SCN10A: variants seen among roughly 807,000 people sequenced by gnomAD.
SCN10A encodes sodium voltage-gated channel alpha subunit 10.
A neutral mutation model predicts 170.7 loss-of-function variants in SCN10A; 162 were observed. That is an observed-to-expected ratio of 0.95 (90% CI 0.84 to 1.08). The LOEUF is 1.08. SCN10A is among the 50% of genes least tolerant of loss of function. The pLI is 0.00. For missense variants in SCN10A, 2,527 were observed against 2,436.9 expected, an observed-to-expected ratio of 1.04 and a Z score of -0.78; for synonymous variants, 985 against 904.6, an observed-to-expected ratio of 1.09 and a Z score of -1.59.
At position 38,722,238 on chromosome 3, in the gene SCN10A, G is replaced by A. The variant is rs2063397601; in HGVS notation, c.3507+20C>T. Reference sequence around the variant, plus strand: ...TTCCTATCTGGAGGATTTGGGGGCAGGGACTATGCCTCCCCTTACCAGAGA... The same window carrying A: ...TTCCTATCTGGAGGATTTGGGGGCAAGGACTATGCCTCCCCTTACCAGAGA... On this transcript the variant is annotated intron_variant, in intron 20 of 27. Coordinates refer to ENST00000449082, the MANE Select transcript of SCN10A (RefSeq NM_006514.4). 1.6e-5 allele frequency: 25 copies of A among 1,608,260 alleles called. No individual in the cohort carries two copies. Among genetic ancestry groups the A allele is most frequent in the Non-Finnish European group, 2.1e-5 (25 of 1,176,858 alleles).
At chr3:38,747,788 C>T (rs12491593) in intron 13 of SCN10A, among the ~76,000 whole-genome samples, 13,923 of 152,186 alleles carry the variant, frequency 0.091, 1,115 homozygotes, top group African/African-American at 0.2. Flanking sequence ...TTTGTGTCTG[C>T]GAACTTTCTC....
Position 38,763,504 on chromosome 3 carries a change from C to T in SCN10A, c.691+1G>A, listed in dbSNP as rs1252084333. ...CATATGCTCTGTGAATAAATGCTCA[C>T]CTGGGATCACAGAAACTGTTTTTAA... is the stretch of plus-strand genomic sequence containing the variant. On this transcript the variant is annotated splice_donor_variant, in intron 6 of 27. Transcript: ENST00000449082. LOFTEE classifies it high-confidence loss of function. The T allele has an allele frequency of 9.3e-6, 15 of 1,611,700 alleles. No homozygotes were observed. The highest frequency in any genetic ancestry group is 1.3e-5 in the Non-Finnish European group (15 of 1,177,896).
chr3:38,727,847 C>T lies in SCN10A; in HGVS notation c.2640+695G>A, dbSNP rs143496663. 2.4e-3 allele frequency among the ~76,000 whole-genome samples: 364 copies of T among 152,190 alleles called. 13 individuals are homozygous for T. The East Asian group carries it at 0.061, about 25-fold the overall frequency. ...GTGGAGACAAGCTGAGGGCAGGGGGCCAGGCTGGGGCGGAGAAGGGGTATT... is the reference window on the plus strand; with the variant it reads ...GTGGAGACAAGCTGAGGGCAGGGGGTCAGGCTGGGGCGGAGAAGGGGTATT... On this transcript the variant is annotated intron_variant, in intron 16 of 27. Coordinates refer to ENST00000449082, the MANE Select transcript of SCN10A (RefSeq NM_006514.4).
chr3:38,743,943 G>C (rs964942954), intron 13 of SCN10A, among the ~76,000 whole-genome samples: 1 of 152,052 alleles, frequency 6.6e-6, no homozygotes, highest in Non-Finnish European at 1.5e-5. Flanking sequence ...TGTTCACCTC[G>C]ATGGAGGGCA....
chr3:38,710,168 C>CA (rs2063256920), intron 24 of SCN10A, among the ~76,000 whole-genome samples: 1 of 150,870 alleles, frequency 6.6e-6, no homozygotes, highest in Non-Finnish European at 1.5e-5. Context: ...CTTTTCTTTT[C>CA]TTTTTTTTTG....
intron 4 of SCN10A, among the ~76,000 whole-genome samples, chr3:38,777,684 G>A (rs930886131): frequency 6.6e-6 from 1 of 152,048 alleles, no homozygotes; most frequent in African/African-American, 2.4e-5. Context: ...AATCGACCAG[G>A]TCAAATCTTA....
intron 4 of SCN10A, among the ~76,000 whole-genome samples, chr3:38,784,244 T>C: frequency 6.6e-6 from 1 of 151,994 alleles, no homozygotes; most frequent in East Asian, 1.9e-4. Flanking sequence ...GTCATAAAGA[T>C]ATTCCTCTTT....
Position 38,742,317 on chromosome 3 carries a change from C to T in SCN10A, c.2080G>A (p.Glu694Lys), listed in dbSNP as rs756216388. The change falls in exon 14 of 28, where the codon GAA becomes AAA. Residue 694 changes from glutamate to lysine, a missense_variant. Physicochemically the swap from Glu to Lys is moderately conservative, Grantham distance 56. Transcript: ENST00000449082. ...MEHHGMSPTFEAMLQIGNIVF... is the reference protein window; with the variant it reads ...MEHHGMSPTFKAMLQIGNIVF... Reference sequence around the variant, plus strand: ...ATGTTGCCTATCTGGAGCATGGCTTCGAAGGTAGGGCTCATGCCATGGTGC... The same window carrying T: ...ATGTTGCCTATCTGGAGCATGGCTTTGAAGGTAGGGCTCATGCCATGGTGC... 13 of 1,612,462 alleles carry T rather than the reference C, an allele frequency of 8.1e-6. No homozygotes were observed. The highest frequency in any genetic ancestry group is 2.2e-5 in the East Asian group (1 of 44,810).
intron 22 of SCN10A, among the ~76,000 whole-genome samples, chr3:38,713,075 C>T (rs1415130456): frequency 2.0e-5 from 3 of 152,158 alleles, no homozygotes; most frequent in Non-Finnish European, 4.4e-5. Flanking sequence ...GCTGGGGAGC[C>T]ATTTGTAATT....
chr3:38,723,315 G>A (rs531534134), intron 19 of SCN10A, 115 bp downstream of exon 19: 1 of 1,313,058 alleles, frequency 7.6e-7, no homozygotes, highest in South Asian at 1.3e-5. Flanking sequence ...CTGGGAGTGA[G>A]GCAGCAAGTG....
intron 13 of SCN10A, among the ~76,000 whole-genome samples, chr3:38,744,458 CT>C (rs59639785): frequency 0.045 from 6,705 of 147,394 alleles, 229 homozygotes; most frequent in East Asian, 0.15. Flanking sequence ...TATTTGTTTT[CT>C]TTTTTTTTCA....
intron 9 of SCN10A, 32 bp downstream of exon 9, chr3:38,756,986 C>A (rs1252773228): frequency 1.9e-6 from 3 of 1,602,830 alleles, no homozygotes; most frequent in Non-Finnish European, 2.6e-6. Context: ...CAGCCTCCAA[C>A]CAAGTCTGCG....
intron 5 of SCN10A, among the ~76,000 whole-genome samples, chr3:38,765,309 T>C (rs1233799223): frequency 2.0e-5 from 3 of 152,178 alleles, no homozygotes; most frequent in Non-Finnish European, 4.4e-5. Flanking sequence ...GAAGAGTTTT[T>C]CCAATGTTAT....
chr3:38,739,917 C>T (rs375445266), intron 14 of SCN10A, among the ~76,000 whole-genome samples: 2 of 152,120 alleles, frequency 1.3e-5, no homozygotes, highest in Non-Finnish European at 2.9e-5. Context: ...AGTTTTTCCA[C>T]GTGAATGGTG....
rs140292361 is a variant in SCN10A at position 38,761,348 on chromosome 3, C to T, written c.727G>A (p.Val243Met). ...KVIVGALIHS[V>M]KKLADVTILT... The stretch of plus-strand genomic sequence containing the variant: ...ATGGTCACATCAGCCAGTTTCTTCA[C>T]TGAGTGAATCAGGGCCCCCACAATG... Residue 243 changes from valine (V) to methionine (M), a missense_variant, in exon 7 of 28, where the codon GTG (valine) becomes ATG (methionine). Transcript: ENST00000449082. 21 of 1,613,804 alleles carry T rather than the reference C, an allele frequency of 1.3e-5. No individual in the cohort carries two copies. The East Asian group carries it at 4.2e-4, about 33-fold the overall frequency.
At chr3:38,780,903 G>C (rs1258271193) in intron 4 of SCN10A, among the ~76,000 whole-genome samples, 1 of 151,980 alleles carries the variant, frequency 6.6e-6, no homozygotes, top group Non-Finnish European at 1.5e-5. Context: ...GTAGTGGCTG[G>C]CCATTGGAAG....
chr3:38,704,026 AT>A (rs1414310452), intron 26 of SCN10A, among the ~76,000 whole-genome samples: 2 of 152,228 alleles, frequency 1.3e-5, no homozygotes, highest in African/African-American at 4.8e-5. Context: ...ACTAAATTCA[AT>A]TCTGTACCAA....
At chr3:38,756,918 G>A (rs2063813717) in intron 9 of SCN10A, 47 bp from the exon 10 acceptor site, 4 of 1,608,682 alleles carry the variant, frequency 2.5e-6, no homozygotes, top group Non-Finnish European at 3.4e-6. Context: ...ATAGCACATG[G>A]ACCCCTGAAT....
At chr3:38,786,961 T>C (rs2064212304) in intron 4 of SCN10A, among the ~76,000 whole-genome samples, 1 of 152,224 alleles carries the variant, frequency 6.6e-6, no homozygotes, top group Admixed American at 6.5e-5. Context: ...TCTCCCACTT[T>C]GTATTTCTTC....
Sources: allele counts gnomAD v4.1 joint callset (sites outside exome capture counted in the v4.1 genomes callset), GRCh38; gene constraint gnomAD v4.1.1; transcripts MANE v1.5; gene names NCBI Gene and HGNC (gene_info 2026-07-23, HGNC 2026-07-21).